The following MYOZ2 variants were observed in gnomAD, a reference collection of about 807,000 sequenced individuals.
MYOZ2 encodes the protein myozenin-2.
Under a neutral mutation model 25.4 loss-of-function variants are expected in MYOZ2, and 19 were observed. That is an observed-to-expected ratio of 0.75 (90% CI 0.52 to 1.10). The LOEUF (loss-of-function observed/expected upper bound fraction) is 1.10. MYOZ2 is among the 50% of genes least tolerant of loss of function. The probability of loss-of-function intolerance (pLI) is 0.00; values close to 1 mark genes in which losing one functional copy is unlikely to be tolerated. For synonymous variants in MYOZ2, 92 were observed against 106.9 expected (o/e 0.86, Z 0.86); for missense variants, 270 against 317.9 (o/e 0.85, Z 1.15).
intron 3 of MYOZ2, among the ~76,000 whole-genome samples, chr4:119,151,274 C>T (rs1453029339): frequency 1.3e-5 from 2 of 152,032 alleles, no homozygotes; most frequent in African/African-American, 2.4e-5. Flanking sequence ...AGATTTGGCA[C>T]TGAGGAACTT....
intron 4 of MYOZ2, among the ~76,000 whole-genome samples, chr4:119,158,954 A>G (rs1217317197): frequency 6.6e-6 from 1 of 152,202 alleles, no homozygotes; most frequent in South Asian, 2.1e-4. Context: ...TAACTAAAAG[A>G]GTATAACTGG....
intron 5 of MYOZ2, among the ~76,000 whole-genome samples, chr4:119,175,891 C>T (rs1359942103): frequency 6.6e-6 from 1 of 152,096 alleles, no homozygotes; most frequent in Non-Finnish European, 1.5e-5. Flanking sequence ...AATTTCTGAA[C>T]AAGGGGCATT....
Position 119,186,450 on chromosome 4 carries a change from A to G in MYOZ2, c.*250A>G. The stretch of plus-strand genomic sequence containing the variant: ...TTTTCACCTGGTTTAAAGAATCCAG[A>G]TATTTTACTGCAAAAGTTCAGATGG... On this transcript the variant is annotated 3_prime_UTR_variant, in exon 6 of 6. Coordinates refer to ENST00000307128, the MANE Select transcript of MYOZ2 (RefSeq NM_016599.5). 1 of 464,538 alleles carries G rather than the reference A, an allele frequency of 2.2e-6. No individual in the cohort carries two copies. Among genetic ancestry groups the G allele is most frequent in the Non-Finnish European group, 3.8e-6 (1 of 262,006 alleles). 28.8% of individuals were successfully genotyped at this position (464,538 alleles called of 1,614,324 possible).
At chr4:119,179,341 C>T (rs1047565564) in intron 5 of MYOZ2, among the ~76,000 whole-genome samples, 2 of 152,184 alleles carry the variant, frequency 1.3e-5, no homozygotes, top group African/African-American at 4.8e-5. Context: ...ATCATTCCTT[C>T]ACATCTTTCA....
intron 3 of MYOZ2, among the ~76,000 whole-genome samples, chr4:119,156,988 A>C (rs531551595): frequency 6.6e-6 from 1 of 152,318 alleles, no homozygotes; most frequent in South Asian, 2.1e-4. Context: ...TAAGTATTTA[A>C]ATTTTAAAAC....
chr4:119,163,671 C>T (rs543003903), intron 4 of MYOZ2, among the ~76,000 whole-genome samples: 3 of 152,120 alleles, frequency 2.0e-5, no homozygotes, highest in South Asian at 4.2e-4. Context: ...TGAATAAGGC[C>T]GTGGGAACAA....
At chr4:119,143,874 CTTGATAGCTCTTAATTAAATTTTTTA>C in intron 2 of MYOZ2, among the ~76,000 whole-genome samples, 1 of 152,244 alleles carries the variant, frequency 6.6e-6, no homozygotes, top group East Asian at 1.9e-4. Flanking sequence ...CTTTTCATGG[CTTGATAGCTCTTAATTAAATTTTTTA>C]TTTTGAGTTT....
intron 5 of MYOZ2, among the ~76,000 whole-genome samples, chr4:119,179,344 A>G (rs1006455985): frequency 1.3e-5 from 2 of 152,116 alleles, no homozygotes; most frequent in African/African-American, 4.8e-5. Flanking sequence ...ATTCCTTCAC[A>G]TCTTTCAGAG....
intron 4 of MYOZ2, among the ~76,000 whole-genome samples, chr4:119,159,895 T>C (rs1488181680): frequency 6.6e-6 from 1 of 152,122 alleles, no homozygotes; most frequent in Non-Finnish European, 1.5e-5. Flanking sequence ...ATGCATACAA[T>C]TCTGAAATGG....
chr4:119,142,782 TGAG>T (rs1741187694), intron 2 of MYOZ2, among the ~76,000 whole-genome samples: 1 of 152,142 alleles, frequency 6.6e-6, no homozygotes, highest in African/African-American at 2.4e-5. Context: ...TGCAGGAAAG[TGAG>T]GGAGAAAGTA....
rs1741915811 is a variant in MYOZ2 at position 119,170,108 on chromosome 4, C to T, written c.560+5714C>T. Among the ~76,000 whole-genome samples the T allele has an allele frequency of 2.0e-5, 3 of 152,064 alleles. No individual in the cohort carries two copies. In the South Asian group the frequency reaches 6.2e-4, roughly 31 times the overall value. On this transcript the variant is annotated intron_variant, in intron 5 of 5. Transcript: ENST00000307128. ...CATAATGTCGTGCCACCATCACCACCATTCCTCTCCATAACTCTCCATCTG... is the reference window on the plus strand; with the variant it reads ...CATAATGTCGTGCCACCATCACCACTATTCCTCTCCATAACTCTCCATCTG...
At position 119,186,306 on chromosome 4, in the gene MYOZ2, G is replaced by A. The variant is rs1742293678; in HGVS notation, c.*106G>A. ...GCATTTTTCATTAGTAGCAACAATAGCAATTTAGTGATTTTCCTTTTCTGA... is the reference window on the plus strand; with the variant it reads ...GCATTTTTCATTAGTAGCAACAATAACAATTTAGTGATTTTCCTTTTCTGA... On this transcript the variant is annotated 3_prime_UTR_variant, in exon 6 of 6. Transcript: ENST00000307128. 3 of 808,188 alleles carry A rather than the reference G, an allele frequency of 3.7e-6. No homozygotes were observed. The highest frequency in any genetic ancestry group is 2.4e-5 in the Admixed American group (1 of 41,774). 50.1% of individuals were successfully genotyped at this position (808,188 alleles called of 1,614,324 possible).
chr4:119,163,132 CA>C (rs993618724), intron 4 of MYOZ2, among the ~76,000 whole-genome samples: 4 of 151,612 alleles, frequency 2.6e-5, no homozygotes, highest in African/African-American at 7.3e-5. Context: ...GGAGCCTACA[CA>C]AAAAGATTTG....
rs11729978 is a variant in MYOZ2, at chr4:119,158,232, G to A, written c.376+81G>A. ...ACTCAAGGCATTTAAAGCCTTTATT[G>A]AATAGTATTTAAATAATATATCTTT... On this transcript the variant is annotated intron_variant, in intron 4 of 5. Coordinates refer to ENST00000307128, the MANE Select transcript of MYOZ2 (RefSeq NM_016599.5). 638,258 of 1,540,034 alleles carry A rather than the reference G, an allele frequency of 0.41. 136,334 individuals are homozygous for A. Among genetic ancestry groups the A allele is most frequent in the Non-Finnish European group, 0.45 (503,497 of 1,115,844 alleles).
At chr4:119,182,387 A>G (rs1027191803) in intron 5 of MYOZ2, among the ~76,000 whole-genome samples, 2 of 152,132 alleles carry the variant, frequency 1.3e-5, no homozygotes, top group Non-Finnish European at 2.9e-5. Context: ...AACCTGGATC[A>G]TGGTACCTCA....
intron 5 of MYOZ2, among the ~76,000 whole-genome samples, chr4:119,176,686 T>C (rs570318600): frequency 5.9e-5 from 9 of 152,360 alleles, no homozygotes; most frequent in Non-Finnish European, 7.3e-5. Context: ...AATCATCTAC[T>C]GTGTAAGAGA....
intron 4 of MYOZ2, among the ~76,000 whole-genome samples, chr4:119,162,636 C>CA (rs963527242): frequency 6.6e-6 from 1 of 152,178 alleles, no homozygotes; most frequent in Non-Finnish European, 1.5e-5. Flanking sequence ...ACCTGAGACT[C>CA]ACTGAAGCCA....
chr4:119,136,525 C>A lies in MYOZ2; in HGVS notation c.-1C>A, dbSNP rs1741025603. 1.2e-6 allele frequency: 2 copies of A among 1,613,170 alleles called. No individual in the cohort carries two copies. Among genetic ancestry groups the A allele is most frequent in the East Asian group, 4.5e-5 (2 of 44,826 alleles). ...TGTTTTTAACAGGGAACAAAAAAAC[C>A]ATGCTATCACATAATACTATGATGA... On this transcript the variant is annotated 5_prime_UTR_variant, in exon 2 of 6. Transcript: ENST00000307128.
rs1051113014 is a variant in MYOZ2, at chr4:119,176,997, G to A, written c.561-8969G>A. 2.0e-5 allele frequency among the ~76,000 whole-genome samples: 3 copies of A among 152,162 alleles called. No homozygotes were observed. The East Asian group carries it at 5.8e-4, about 29-fold the overall frequency. On this transcript the variant is annotated intron_variant, in intron 5 of 5. Transcript: ENST00000307128. The stretch of plus-strand genomic sequence containing the variant: ...ACACACTGAGTACTGGGAGGCGGAG[G>A]TTGCAGTGAGCCGAGATTGTGCCAT...
Sources: gnomAD v4.1 joint callset for allele counts (sites outside exome capture counted in the v4.1 genomes callset) on GRCh38, gnomAD v4.1.1 for gene constraint, MANE v1.5 for transcripts, NCBI Gene and HGNC (gene_info 2026-07-23, HGNC 2026-07-21) for gene names.